Variants in CYP19A1 observed in about 807,000 individuals in gnomAD.
CYP19A1 encodes cytochrome P450 family 19 subfamily A member 1.
In CYP19A1, 32 loss-of-function variants were observed where a neutral mutation model predicts 44.4. That is an observed-to-expected ratio of 0.72 (90% CI 0.54 to 0.97). The LOEUF (loss-of-function observed/expected upper bound fraction) is 0.97, where lower values mean the gene tolerates loss of function less well. Ranked by LOEUF, CYP19A1 falls within the 50% of genes least tolerant of loss-of-function variation. The pLI is 0.00. For synonymous variants in CYP19A1, 212 were observed against 215.6 expected, an observed-to-expected ratio of 0.98 and a Z score of 0.14; for missense variants, 598 against 637.8, an observed-to-expected ratio of 0.94 and a Z score of 0.67.
At chr15:51,215,569 A>G in intron 7 of CYP19A1, 134 bp downstream of exon 7, 1 of 1,547,480 alleles carries the variant, frequency 6.5e-7, no homozygotes, top group Non-Finnish European at 8.7e-7. Context: ...GGCTATTTGG[A>G]TTGGGATTAC....
intron 1 of CYP19A1, among the ~76,000 whole-genome samples, chr15:51,325,836 CAAAAAAAAAA>C (rs61378264): frequency 3.5e-5 from 2 of 57,172 alleles, no homozygotes; most frequent in South Asian, 1.2e-3. Context: ...GACTCCGTCT[CAAAAAAAAAA>C]AAAAAAAAAA....
At chr15:51,258,868 A>G (rs1007974762) in intron 1 of CYP19A1, among the ~76,000 whole-genome samples, 5 of 152,228 alleles carry the variant, frequency 3.3e-5, no homozygotes, top group East Asian at 1.9e-4. Flanking sequence ...ATCCAAAAAA[A>G]TGGGGAGCCA....
intron 1 of CYP19A1, chr15:51,277,961 T>TTTG (rs1482527841): frequency 1.3e-5 from 2 of 148,766 alleles, no homozygotes; most frequent in East Asian, 1.9e-4. Flanking sequence ...TGAGTTTTTT[T>TTTG]TTTTTTTTTT....
chr15:51,298,565 C>A (rs192895346), intron 1 of CYP19A1, among the ~76,000 whole-genome samples: 2 of 152,316 alleles, frequency 1.3e-5, no homozygotes. Context: ...AGGGAAAAAG[C>A]AGACTAGATG....
chr15:51,241,870 C>T (rs915645746), intron 2 of CYP19A1, among the ~76,000 whole-genome samples: 4 of 152,138 alleles, frequency 2.6e-5, no homozygotes, highest in African/African-American at 4.8e-5. Flanking sequence ...GCCCCATGCT[C>T]CCACTTCTGA....
intron 1 of CYP19A1, among the ~76,000 whole-genome samples, chr15:51,278,455 G>A (rs190545044): frequency 2.6e-5 from 4 of 152,242 alleles, no homozygotes; most frequent in Admixed American, 1.3e-4. Context: ...GACATATGCC[G>A]TAAAAATAGA....
intron 6 of CYP19A1, 60 bp downstream of exon 6, chr15:51,218,481 C>G: frequency 6.4e-7 from 1 of 1,558,860 alleles, no homozygotes; most frequent in Non-Finnish European, 8.7e-7. Flanking sequence ...ACAGCAAAGA[C>G]ACAAGGGAAA....
chr15:51,338,377 C>G (rs1183271582), intron 1 of CYP19A1, 118 bp downstream of exon 1: 1 of 152,194 alleles, frequency 6.6e-6, no homozygotes, highest in South Asian at 2.1e-4. Context: ...GATTTTCCCC[C>G]ACACACCAAG....
At chr15:51,293,210 A>C (rs1022313538) in intron 1 of CYP19A1, among the ~76,000 whole-genome samples, 2 of 152,102 alleles carry the variant, frequency 1.3e-5, no homozygotes, top group Non-Finnish European at 2.9e-5. Flanking sequence ...ATCACCACTA[A>C]AGAACTTGTT....
chr15:51,329,514 G>T (rs2036666590), intron 1 of CYP19A1, among the ~76,000 whole-genome samples: 1 of 152,190 alleles, frequency 6.6e-6, no homozygotes, highest in Admixed American at 6.5e-5. Context: ...GGCCAGCAAG[G>T]CCAGGGCCAC....
At chr15:51,254,050 G>A (rs943518282) in intron 1 of CYP19A1, among the ~76,000 whole-genome samples, 11 of 152,156 alleles carry the variant, frequency 7.2e-5, no homozygotes, top group African/African-American at 2.7e-4. Context: ...AAGTAGAAAG[G>A]CAGTTGATGA....
chr15:51,336,792 G>C (rs1474191384), intron 1 of CYP19A1, among the ~76,000 whole-genome samples: 2 of 152,164 alleles, frequency 1.3e-5, no homozygotes, highest in Non-Finnish European at 2.9e-5. Context: ...TCATTGTAAA[G>C]ATAGCACACA....
chr15:51,212,417 T>A lies in CYP19A1; in HGVS notation c.1166A>T (p.Lys389Ile). 2 of 1,606,674 alleles carry A rather than the reference T, an allele frequency of 1.2e-6. No individual in the cohort carries two copies. The highest frequency in any genetic ancestry group is 1.7e-6 in the Non-Finnish European group (2 of 1,173,170). ...ATTCAGGATAATGTTTGTCCCCTTT[T>A]TCACTGGGTAGCCATCGATTACATC... is the stretch of plus-strand genomic sequence containing the variant. ...EDDVIDGYPV[K>I]KGTNIILNIG... The change falls in exon 9 of 10, where the codon AAA becomes ATA. Residue 389 changes from lysine (K) to isoleucine (I), a missense_variant. Coordinates refer to ENST00000396402, the MANE Select transcript of CYP19A1 (RefSeq NM_000103.4).
chr15:51,305,242 A>G (rs539098401), intron 1 of CYP19A1, among the ~76,000 whole-genome samples: 29 of 152,286 alleles, frequency 1.9e-4, no homozygotes, highest in Admixed American at 1.6e-3. Flanking sequence ...ATGAGCATCA[A>G]TTCTTCACTG....
At chr15:51,253,244 A>G (rs755712659) in intron 1 of CYP19A1, among the ~76,000 whole-genome samples, 31 of 152,246 alleles carry the variant, frequency 2.0e-4, no homozygotes, top group Non-Finnish European at 3.8e-4. Flanking sequence ...TGTCTAGCAT[A>G]TAGCAAAACC....
At chr15:51,259,657 C>G (rs535949664) in intron 1 of CYP19A1, among the ~76,000 whole-genome samples, 1 of 152,308 alleles carries the variant, frequency 6.6e-6, no homozygotes, top group Non-Finnish European at 1.5e-5. Context: ...TTGGAGCTAG[C>G]CTTCCTCAAC....
At chr15:51,225,847 TG>T (rs2032523840) in intron 4 of CYP19A1, among the ~76,000 whole-genome samples, 1 of 151,940 alleles carries the variant, frequency 6.6e-6, no homozygotes, top group Non-Finnish European at 1.5e-5. Flanking sequence ...CCCAGCACTT[TG>T]GGAGGCTGAG....
intron 1 of CYP19A1, among the ~76,000 whole-genome samples, chr15:51,249,375 T>A (rs1239719486): frequency 1.3e-5 from 2 of 152,128 alleles, no homozygotes; most frequent in African/African-American, 4.8e-5. Flanking sequence ...GCCCCACTGG[T>A]TTCCCAAGAC....
Position 51,307,557 on chromosome 15 carries a change from G to A in CYP19A1, c.-39+30938C>T, listed in dbSNP as rs569955843. 5.0e-4 allele frequency among the ~76,000 whole-genome samples: 76 copies of A among 152,248 alleles called. 2 individuals carry two copies. The South Asian group carries it at 0.015, about 29-fold the overall frequency. On this transcript the variant is annotated intron_variant, in intron 1 of 9. Coordinates refer to ENST00000396402, the MANE Select transcript of CYP19A1 (RefSeq NM_000103.4). ...TGGTAGTGGTGTGAAAGAGCTGCCC[G>A]GAGCAAGTATGTGACAACTTTTAAA... is the stretch of plus-strand genomic sequence containing the variant.
Sources: allele counts gnomAD v4.1 joint callset (sites outside exome capture counted in the v4.1 genomes callset), GRCh38; gene constraint gnomAD v4.1.1; transcripts MANE v1.5; gene names NCBI Gene and HGNC (gene_info 2026-07-23, HGNC 2026-07-21).